SNX19: variants seen among roughly 807,000 people sequenced by gnomAD.
The protein encoded by SNX19 is sorting nexin-19.
SNX19 carries 60 observed loss-of-function variants against 85.2 expected under a neutral mutation model. The ratio of observed to expected loss-of-function variants is 0.70; its 90% CI spans 0.57 to 0.87. The LOEUF is 0.87. Among genes scored for constraint, SNX19 ranks in the 40% least tolerant of loss-of-function variants. The pLI is 0.00. For synonymous variants in SNX19, 520 were observed against 470.0 expected (o/e 1.11, Z -1.38); for missense variants, 1,201 against 1,217.8 (o/e 0.99, Z 0.21).
chr11:130,880,902 T>C (rs1943624209), intron 8 of SNX19, 96 bp from the exon 9 acceptor site: 4 of 1,100,740 alleles, frequency 3.6e-6, no homozygotes, highest in Non-Finnish European at 5.1e-6. Flanking sequence ...CAGATTCGTG[T>C]GTCAAAATCC....
rs555298820 is a variant in SNX19 at position 130,907,907 on chromosome 11, A to G, written c.2165+46T>C. On this transcript the variant is annotated intron_variant, in intron 5 of 10. Transcript: ENST00000265909. Reference sequence around the variant, plus strand: ...AGTGTTGGCTGAGGATTGGGGATCAATTTGAGAACTGGGGAAAGGTCCCTG... The same window carrying G: ...AGTGTTGGCTGAGGATTGGGGATCAGTTTGAGAACTGGGGAAAGGTCCCTG... The G allele has an allele frequency of 5.6e-6, 9 of 1,607,750 alleles. No individual in the cohort carries two copies. The South Asian group carries it at 7.8e-5, about 14-fold the overall frequency.
intron 7 of SNX19, 119 bp from the exon 8 acceptor site, chr11:130,903,503 G>T: frequency 9.1e-7 from 1 of 1,101,830 alleles, no homozygotes; most frequent in Non-Finnish European, 1.3e-6. Context: ...TGGTATTTTT[G>T]CAATCCCTCT....
At position 130,915,180 on chromosome 11, in the gene SNX19, G is replaced by C. The variant is rs1267205996; in HGVS notation, c.760C>G (p.Leu254Val). Residue 254 changes from leucine (L) to valine (V), a missense_variant, in exon 1 of 11, where the codon CTG (leucine) becomes GTG (valine). By Grantham distance (32) the Leu-to-Val change is conservative. Around this residue, in one of 3 missense-constraint regions of SNX19, gnomAD observed 791 missense variants for 750.9 expected, o/e 1.05. Coordinates refer to ENST00000265909, the MANE Select transcript of SNX19 (RefSeq NM_014758.3). ...AGGTGGATCCAGTCAGGATCTGACA[G>C]CCTGCTGATCAGTGGTAAGATTACA... is the stretch of plus-strand genomic sequence containing the variant. The part of the protein sequence containing the change: ...CNVILPLISR[L>V]SDPDWIHLVL... The C allele has an allele frequency of 1.2e-6, 2 of 1,614,222 alleles. No individual in the cohort carries two copies. Among genetic ancestry groups the C allele is most frequent in the South Asian group, 2.2e-5 (2 of 91,090 alleles).
At chr11:130,895,080 C>A in intron 8 of SNX19, 7 of 985,350 alleles carry the variant, frequency 7.1e-6, no homozygotes, top group Non-Finnish European at 8.4e-6. Context: ...AGTACAACAG[C>A]AGGAGATGCT....
rs769976503 is a variant in SNX19, at chr11:130,878,382, C to T, written c.*40G>A. 3.6e-5 allele frequency: 58 copies of T among 1,597,958 alleles called. No individual in the cohort carries two copies. The highest frequency in any genetic ancestry group is 4.5e-5 in the Non-Finnish European group (53 of 1,170,388). ...TGACTGGTCTCTGGTGGCCGAGTAA[C>T]TCTACTTCCCTGACCTGGGAAGAAG... is the stretch of plus-strand genomic sequence containing the variant. On this transcript the variant is annotated 3_prime_UTR_variant, in exon 11 of 11. Coordinates refer to ENST00000265909, the MANE Select transcript of SNX19 (RefSeq NM_014758.3).
At position 130,914,315 on chromosome 11, in the gene SNX19, C is replaced by T. The variant is rs773834307; in HGVS notation, c.1625G>A (p.Arg542Gln). The change falls in exon 1 of 11, where the codon CGA (arginine) becomes CAA (glutamine). Residue 542 changes from arginine to glutamine, a missense_variant. By Grantham distance (43) the Arg-to-Gln change is conservative (BLOSUM62 1). Around this residue, in one of 3 missense-constraint regions of SNX19, gnomAD observed 791 missense variants for 750.9 expected, o/e 1.05. Transcript: ENST00000265909. Reference protein sequence around the residue: ...NLRITGTITAREHSGTGFHPY... With the variant: ...NLRITGTITAQEHSGTGFHPY... ...GTGGAATCCAGTGCCACTGTGCTCT[C>T]GGGCTGTAATGGTGCCAGTGATACG... The T allele has an allele frequency of 5.6e-6, 9 of 1,607,956 alleles. No individual in the cohort carries two copies. The highest frequency in any genetic ancestry group is 1.7e-4 in the Middle Eastern group (1 of 6,030).
rs1246454510 is a variant in SNX19 at position 130,867,353 on chromosome 11, G to A, written c.*11069C>T. 1 of 152,220 alleles carries A rather than the reference G, an allele frequency of 6.6e-6. No homozygotes were observed. The highest frequency in any genetic ancestry group is 2.1e-4 in the South Asian group (1 of 4,830). 9.4% of individuals were successfully genotyped at this position (152,220 alleles called of 1,614,324 possible). A position where few individuals can be genotyped will look rare whatever the true frequency, so the allele number is the denominator to read the frequency against. On this transcript the variant is annotated 3_prime_UTR_variant, in exon 11 of 11. Coordinates refer to ENST00000265909, the MANE Select transcript of SNX19 (RefSeq NM_014758.3). ...GAAAAGATGAAATGAGATGGCTGAT[G>A]GGAAACGCTCTGGGACATGAACATA... is the stretch of plus-strand genomic sequence containing the variant.
chr11:130,905,759 CTTGATTCCG>C, intron 7 of SNX19, 185 bp downstream of exon 7: 13 of 1,537,270 alleles, frequency 8.5e-6, no homozygotes, highest in Non-Finnish European at 1.1e-5. Context: ...TGTTCTGCTG[CTTGATTCCG>C]CTGTGGCAAC....
At chr11:130,883,038 G>T (rs893257433) in intron 8 of SNX19, among the ~76,000 whole-genome samples, 7 of 152,154 alleles carry the variant, frequency 4.6e-5, no homozygotes, top group Middle Eastern at 3.2e-3. Context: ...ATGGGGACAG[G>T]ACCTCACATG....
At chr11:130,911,012 T>C (rs191241100) in intron 2 of SNX19, among the ~76,000 whole-genome samples, 3 of 152,114 alleles carry the variant, frequency 2.0e-5, no homozygotes, top group East Asian at 1.9e-4. Context: ...CTGACCAACA[T>C]GGTGAAACCC....
In SNX19 at chr11:130,914,850, G is replaced by T; in HGVS notation, c.1090C>A (p.Pro364Thr). Residue 364 changes from proline (P) to threonine (T), a missense_variant, in exon 1 of 11, where the codon CCC becomes ACC. This residue lies in a region of SNX19 where 791 missense variants were observed against 750.9 expected (regional missense o/e 1.05). Transcript: ENST00000265909. ...SHFLQPNVRG[P>T]LFLCEDSELE... The stretch of plus-strand genomic sequence containing the variant: ...TCTGAGTCTTCACATAAGAACAGGG[G>T]ACCTCGAACATTTGGCTGTAGGAAA... The T allele has an allele frequency of 6.2e-7, 1 of 1,614,188 alleles. No homozygotes were observed. The highest frequency in any genetic ancestry group is 8.5e-7 in the Non-Finnish European group (1 of 1,180,024).
chr11:130,881,679 T>C (rs1943690715), intron 8 of SNX19, among the ~76,000 whole-genome samples: 1 of 152,236 alleles, frequency 6.6e-6, no homozygotes, highest in African/African-American at 2.4e-5. Flanking sequence ...CAAGGGCCTC[T>C]TCTCGCCTTG....
At chr11:130,883,321 A>G (rs1275062089) in intron 8 of SNX19, among the ~76,000 whole-genome samples, 1 of 152,194 alleles carries the variant, frequency 6.6e-6, no homozygotes, top group Non-Finnish European at 1.5e-5. Flanking sequence ...GAAGAAAAGG[A>G]GTGCCATCTC....
rs1946144221 is a variant in SNX19 at position 130,911,715 on chromosome 11, G to A, written c.1731C>T (p.His577=). Reference sequence around the variant, plus strand: ...ACTCCCGATAGCGACGATTCACAGTGTGGTAGGCCAGCTGCTGCAGGCCGC... The same window carrying A: ...ACTCCCGATAGCGACGATTCACAGTATGGTAGGCCAGCTGCTGCAGGCCGC... ...NSSGLQQLAY[H]TVNRRYREFL... Residue 577 remains histidine, a synonymous_variant, in exon 2 of 11, where the codon CAC becomes CAT. Coordinates refer to ENST00000265909, the MANE Select transcript of SNX19 (RefSeq NM_014758.3). 5.0e-6 allele frequency: 8 copies of A among 1,614,228 alleles called. No individual in the cohort carries two copies. Among genetic ancestry groups the A allele is most frequent in the Middle Eastern group, 3.3e-4 (2 of 6,062 alleles).
intron 7 of SNX19, among the ~76,000 whole-genome samples, chr11:130,904,065 A>AT (rs542096499): frequency 7.9e-4 from 121 of 152,348 alleles, no homozygotes; most frequent in Non-Finnish European, 1.4e-3. Flanking sequence ...GTAAAATGCC[A>AT]TAACAATTAC....
At position 130,893,722 on chromosome 11, in the gene SNX19, G is replaced by C. The variant is rs1337405361; in HGVS notation, c.2573+9533C>G. On this transcript the variant is annotated intron_variant, in intron 8 of 10. Coordinates refer to ENST00000265909, the MANE Select transcript of SNX19 (RefSeq NM_014758.3). ...AATAAAACTGGAAAAACAACAAAAA[G>C]GAAACCTGGGGGAGAGAGGAGGCAG... is the stretch of plus-strand genomic sequence containing the variant. 3 of 680,058 alleles carry C rather than the reference G, an allele frequency of 4.4e-6. No homozygotes were observed. The African/African-American group carries it at 5.4e-5, about 12-fold the overall frequency. The allele number at this position is 680,058 out of a possible 1,614,324, so 42.1% of individuals were successfully genotyped here. A position where few individuals can be genotyped will look rare whatever the true frequency, so the allele number is the denominator to read the frequency against.
chr11:130,881,376 C>A (rs936161705), intron 8 of SNX19, among the ~76,000 whole-genome samples: 1 of 152,152 alleles, frequency 6.6e-6, no homozygotes, highest in Non-Finnish European at 1.5e-5. Context: ...ATCTACCGTA[C>A]AAGAAGTTTT....
intron 8 of SNX19, among the ~76,000 whole-genome samples, chr11:130,887,840 T>C (rs1271997883): frequency 1.3e-5 from 2 of 152,148 alleles, no homozygotes; most frequent in African/African-American, 4.8e-5. Flanking sequence ...AGGAGAGAAA[T>C]GAACCACTCC....
chr11:130,915,798 C>A lies in SNX19; in HGVS notation c.142G>T (p.Val48Leu), dbSNP rs542890145. Residue 48 changes from valine to leucine, a missense_variant, in exon 1 of 11, where the codon GTG becomes TTG. This residue lies in a region of SNX19 where 791 missense variants were observed against 750.9 expected (regional missense o/e 1.05). Transcript: ENST00000265909. Reference protein sequence around the residue: ...WLLVIHLLVNVWLLCLLSALL... With the variant: ...WLLVIHLLVNLWLLCLLSALL... ...GCCGACAGAAGGCACAGCAGCCACACGTTGACCAGAAGGTGTATGACCAGG... is the reference window on the plus strand; with the variant it reads ...GCCGACAGAAGGCACAGCAGCCACAAGTTGACCAGAAGGTGTATGACCAGG... 8.7e-6 allele frequency: 14 copies of A among 1,614,196 alleles called. No homozygotes were observed. The East Asian group carries it at 3.1e-4, about 36-fold the overall frequency.
Sources: gnomAD v4.1 joint callset for allele counts (sites outside exome capture counted in the v4.1 genomes callset) on GRCh38, gnomAD v4.1.1 for gene constraint, gnomAD v4.1.1 regional missense constraint, MANE v1.5 for transcripts, NCBI Gene and HGNC (gene_info 2026-07-23, HGNC 2026-07-21) for gene names.